HDAC8: variants seen among roughly 807,000 people sequenced by gnomAD.
HDAC8 encodes histone deacetylase 8.
Under a neutral mutation model 32.2 loss-of-function variants are expected in HDAC8, and 1 was observed. The observed-to-expected ratio is 0.03, with a 90% CI of 0.01 to 0.15. HDAC8 has a LOEUF of 0.15. Ranked by LOEUF, HDAC8 falls within the 10% of genes least tolerant of loss-of-function variation. HDAC8 has a pLI of 1.00. For missense variants in HDAC8, 117 were observed against 300.0 expected (o/e 0.39, Z 4.51); for synonymous variants, 108 against 113.9 (o/e 0.95, Z 0.33).
At chrX:72,544,603 C>T (rs1556048870) in intron 4 of HDAC8, among the ~76,000 whole-genome samples, 2 of 111,188 alleles carry the variant, frequency 1.8e-5, no homozygotes. Flanking sequence ...AGAATGTAGC[C>T]CAGAAACACG....
rs184979809 is a variant in HDAC8, at chrX:72,461,795, C to A, written c.1005+209G>T. Among the ~76,000 whole-genome samples the A allele has an allele frequency of 4.3e-3, 484 of 111,800 alleles. 3 individuals are homozygous for A. Among genetic ancestry groups the A allele is most frequent in the Non-Finnish European group, 7.9e-3 (419 of 53,141 alleles). ...TAATTGAGAAATTAAAGTTGGTTGG[C>A]CTTTGAGATCTCTTGTAAAAAAACA... On this transcript the variant is annotated intron_variant, in intron 9 of 10. Transcript: ENST00000373573.
At chrX:72,366,033 C>T (rs1383254524) in intron 9 of HDAC8, among the ~76,000 whole-genome samples, 2 of 112,378 alleles carry the variant, frequency 1.8e-5, no homozygotes, top group Non-Finnish European at 3.8e-5. Flanking sequence ...TACAGCTATG[C>T]AAATGATCAA....
chrX:72,363,598 G>T (rs1555953338), intron 9 of HDAC8, among the ~76,000 whole-genome samples: 2 of 109,853 alleles, frequency 1.8e-5, no homozygotes, highest in Non-Finnish European at 3.8e-5. Context: ...TTGAGATGGA[G>T]TCTTACTCTG....
chrX:72,330,368 G>GAA (rs2043482868), intron 10 of HDAC8, among the ~76,000 whole-genome samples: 1 of 111,603 alleles, frequency 9.0e-6, no homozygotes, highest in Admixed American at 9.5e-5. Context: ...GCCAGAACCA[G>GAA]AAGAGCCACC....
At chrX:72,422,889 C>A (rs2046532466) in intron 9 of HDAC8, among the ~76,000 whole-genome samples, 1 of 111,185 alleles carries the variant, frequency 9.0e-6, no homozygotes, top group Non-Finnish European at 1.9e-5. Context: ...TGTGTTCCCC[C>A]TGGAACCATG....
chrX:72,556,407 A>T (rs1452764641), intron 4 of HDAC8, among the ~76,000 whole-genome samples: 4 of 111,908 alleles, frequency 3.6e-5, no homozygotes, highest in Non-Finnish European at 7.5e-5. Flanking sequence ...CCTCAATCTC[A>T]ATACTAACAT....
intron 9 of HDAC8, among the ~76,000 whole-genome samples, chrX:72,444,387 T>C (rs183531722): frequency 9.0e-6 from 1 of 111,600 alleles, no homozygotes; most frequent in East Asian, 2.8e-4. Context: ...TCAATATACA[T>C]AAATCAATAA....
intron 7 of HDAC8, among the ~76,000 whole-genome samples, chrX:72,482,420 A>G (rs1484981034): frequency 8.9e-6 from 1 of 112,298 alleles, no homozygotes; most frequent in East Asian, 2.8e-4. Flanking sequence ...TTGAAAACCT[A>G]AGAAGTTAAT....
chrX:72,515,216 CT>C (rs1457932430), intron 4 of HDAC8, among the ~76,000 whole-genome samples: 9 of 111,058 alleles, frequency 8.1e-5, no homozygotes, highest in Non-Finnish European at 1.1e-4. Context: ...TTCTCTACCC[CT>C]GGTAACCGCC....
At chrX:72,498,916 C>G (rs2049119631) in intron 4 of HDAC8, among the ~76,000 whole-genome samples, 1 of 111,086 alleles carries the variant, frequency 9.0e-6, no homozygotes, top group South Asian at 3.8e-4. Context: ...GGGGGTGTAT[C>G]CCTTACAAAT....
At chrX:72,572,524 T>C in intron 1 of HDAC8, 127 bp downstream of exon 1, 3 of 500,003 alleles carry the variant, frequency 6.0e-6, no homozygotes, top group East Asian at 7.2e-5. Flanking sequence ...AGGTATCTGA[T>C]ACAGCTACTC....
intron 9 of HDAC8, among the ~76,000 whole-genome samples, chrX:72,443,348 A>G (rs377178003): frequency 8.2e-5 from 9 of 110,254 alleles, no homozygotes; most frequent in East Asian, 5.7e-4. Context: ...TCAGACCACA[A>G]TGCAATCAAA....
intron 7 of HDAC8, among the ~76,000 whole-genome samples, chrX:72,484,429 C>A (rs1006193476): frequency 3.1e-4 from 35 of 111,703 alleles, no homozygotes; most frequent in Non-Finnish European, 6.0e-4. Flanking sequence ...AATGTATCTT[C>A]CTTTTGGTGA....
At chrX:72,485,041 T>C (rs1387350258) in intron 7 of HDAC8, among the ~76,000 whole-genome samples, 1 of 111,490 alleles carries the variant, frequency 9.0e-6, no homozygotes, top group African/African-American at 3.3e-5. Context: ...CCAACCTTCA[T>C]GGGTATATGC....
chrX:72,427,130 T>A (rs2147940025), intron 9 of HDAC8, among the ~76,000 whole-genome samples: 1 of 111,177 alleles, frequency 9.0e-6, no homozygotes, highest in African/African-American at 3.3e-5. Context: ...ATACCACGTA[T>A]CAATAATAAG....
chrX:72,359,384 G>A (rs782378600), intron 9 of HDAC8, among the ~76,000 whole-genome samples: 1 of 111,370 alleles, frequency 9.0e-6, no homozygotes, highest in Non-Finnish European at 1.9e-5. Flanking sequence ...ATTCTGAACA[G>A]ATTCACATCC....
intron 9 of HDAC8, among the ~76,000 whole-genome samples, chrX:72,399,462 C>T (rs1294399196): frequency 2.7e-5 from 3 of 112,258 alleles, no homozygotes; most frequent in African/African-American, 9.7e-5. Flanking sequence ...TCTTGCACTC[C>T]CATGTCAATT....
At chrX:72,375,584 G>T (rs927264562) in intron 9 of HDAC8, among the ~76,000 whole-genome samples, 1 of 110,211 alleles carries the variant, frequency 9.1e-6, no homozygotes, top group East Asian at 2.9e-4. Context: ...GGAGGATTGG[G>T]GAGGGAAGGG....
chrX:72,368,079 C>G (rs1274227987), intron 9 of HDAC8, among the ~76,000 whole-genome samples: 1 of 113,001 alleles, frequency 8.8e-6, no homozygotes, highest in Non-Finnish European at 1.9e-5. Flanking sequence ...GAAAACCAGT[C>G]AACCAGGTCT....
Sources: allele counts gnomAD v4.1 joint callset (sites outside exome capture counted in the v4.1 genomes callset), GRCh38; gene constraint gnomAD v4.1.1; transcripts MANE v1.5; gene names NCBI Gene and HGNC (gene_info 2026-07-23, HGNC 2026-07-21).